DHRS9: variants seen among roughly 807,000 people sequenced by gnomAD.
The protein encoded by DHRS9 is dehydrogenase/reductase 9, also known as dehydrogenase/reductase SDR family member 9.
Under a neutral mutation model 26.6 loss-of-function variants are expected in DHRS9, and 18 were observed. The ratio of observed to expected loss-of-function variants is 0.68; its 90% CI spans 0.47 to 1.00. The LOEUF (loss-of-function observed/expected upper bound fraction) is 1.00, where lower values mean the gene tolerates loss of function less well. Among genes scored for constraint, DHRS9 ranks in the 50% least tolerant of loss-of-function variants. The pLI, the probability that DHRS9 is intolerant of heterozygous loss-of-function variation, is 0.00. For missense variants in DHRS9, 425 were observed against 378.7 expected (o/e 1.12, Z -1.01); for synonymous variants, 134 against 141.1 (o/e 0.95, Z 0.36).
At chr2:169,071,570 T>G (rs919236475) in intron 1 of DHRS9, among the ~76,000 whole-genome samples, 3 of 152,166 alleles carry the variant, frequency 2.0e-5, no homozygotes, top group Non-Finnish European at 4.4e-5. Flanking sequence ...TGAGTGAATC[T>G]GTAGTGGAAG....
intron 1 of DHRS9, among the ~76,000 whole-genome samples, chr2:169,077,551 C>T (rs920741853): frequency 1.1e-4 from 17 of 151,840 alleles, no homozygotes; most frequent in African/African-American, 3.1e-4. Flanking sequence ...AATACTACTG[C>T]GGTTTGTTGT....
At chr2:169,068,053 A>G (rs1683696069), upstream of DHRS9, among the ~76,000 whole-genome samples, 1 of 152,180 alleles carries the variant, frequency 6.6e-6, no homozygotes, top group Non-Finnish European at 1.5e-5. Context: ...AATTTTAACT[A>G]TTGTTATAAC....
intron 1 of DHRS9, chr2:169,070,754 T>C: frequency 1.0e-6 from 1 of 985,376 alleles, no homozygotes; most frequent in Non-Finnish European, 1.2e-6. Context: ...GTCACTGTCT[T>C]AAGGGACAGT....
chr2:169,071,857 C>T (rs760125221), intron 1 of DHRS9, among the ~76,000 whole-genome samples: 6 of 152,054 alleles, frequency 3.9e-5, no homozygotes, highest in Non-Finnish European at 8.8e-5. Context: ...AATGTAGGGT[C>T]CCTTGGTGCC....
At chr2:169,086,668 T>C (rs200397896) in intron 3 of DHRS9, among the ~76,000 whole-genome samples, 1 of 152,218 alleles carries the variant, frequency 6.6e-6, no homozygotes, top group African/African-American at 2.4e-5. Flanking sequence ...GACTTGGCTG[T>C]TGTGATCTAA....
chr2:169,081,277 C>T (rs1043940616), intron 1 of DHRS9: 3 of 771,188 alleles, frequency 3.9e-6, no homozygotes, highest in Non-Finnish European at 3.5e-6. Context: ...TTTGCCATGG[C>T]TCCCCTCTCC....
At position 169,083,603 on chromosome 2, in the gene DHRS9, C is replaced by G. The variant is rs1318001141; in HGVS notation, c.572+16C>G. Reference sequence around the variant, plus strand: ...ACAGCTTAAGGTAAATCAAATTAATCAACTTATTAGGAAACAATAGCTGCA... The same window carrying G: ...ACAGCTTAAGGTAAATCAAATTAATGAACTTATTAGGAAACAATAGCTGCA... On this transcript the variant is annotated intron_variant, in intron 3 of 4. Transcript: ENST00000674881. The G allele has an allele frequency of 3.7e-6, 6 of 1,611,172 alleles. No homozygotes were observed. The highest frequency in any genetic ancestry group is 5.1e-6 in the Non-Finnish European group (6 of 1,178,072).
chr2:169,089,711 T>A (rs570323850), intron 3 of DHRS9, among the ~76,000 whole-genome samples: 1 of 152,320 alleles, frequency 6.6e-6, no homozygotes, highest in African/African-American at 2.4e-5. Context: ...CAAGTTTGAT[T>A]CTCCTAGGAA....
chr2:169,084,757 A>G (rs945906836), intron 3 of DHRS9, among the ~76,000 whole-genome samples: 2 of 152,126 alleles, frequency 1.3e-5, no homozygotes, highest in African/African-American at 4.8e-5. Flanking sequence ...GTAGCTTTCA[A>G]ATATTTTCTC....
At chr2:169,095,074 C>T (rs1690504375) in intron 4 of DHRS9, among the ~76,000 whole-genome samples, 1 of 152,196 alleles carries the variant, frequency 6.6e-6, no homozygotes, top group Admixed American at 6.5e-5. Flanking sequence ...TTTCTCTAGA[C>T]ACATAATCCC....
rs78927715 is a variant in DHRS9, at chr2:169,088,536, C to T, written c.573-3254C>T. On this transcript the variant is annotated intron_variant, in intron 3 of 4. Transcript: ENST00000674881. The stretch of plus-strand genomic sequence containing the variant: ...ATGAATAGTTGTTTAATTTGGTGTT[C>T]CTGTGGGGAGGATGATCAATGAAGG... Among the ~76,000 whole-genome samples the T allele has an allele frequency of 2.3e-3, 345 of 152,232 alleles. 8 individuals are homozygous for T. In the East Asian group the frequency reaches 0.059, roughly 26 times the overall value.
chr2:169,092,908 G>C (rs1684578455), intron 4 of DHRS9, among the ~76,000 whole-genome samples: 1 of 152,090 alleles, frequency 6.6e-6, no homozygotes, highest in African/African-American at 2.4e-5. Context: ...GAGGCATAGA[G>C]AATAACTTAC....
At chr2:169,093,827 G>A (rs111516876) in intron 4 of DHRS9, among the ~76,000 whole-genome samples, 1 of 152,134 alleles carries the variant, frequency 6.6e-6, no homozygotes, top group South Asian at 2.1e-4. Flanking sequence ...TGGGATAGTA[G>A]GAGTTTAAAA....
chr2:169,079,500 GA>G (rs927592151), intron 1 of DHRS9, among the ~76,000 whole-genome samples: 21 of 151,770 alleles, frequency 1.4e-4, no homozygotes, highest in Non-Finnish European at 2.5e-4. Context: ...TTTACAAGCA[GA>G]AAAAAATAAA....
rs764709928 is a variant in DHRS9 at position 169,081,748 on chromosome 2, T to C, written c.167T>C (p.Val56Ala). The change falls in exon 2 of 5, where the codon GTA becomes GCA. Residue 56 changes from valine (V) to alanine (A), a missense_variant. Transcript: ENST00000674881. ...ARTFDKKGFH[V>A]IAACLTESGS... ...ACTTTTGATAAAAAGGGATTTCATG[T>C]AATCGCTGCCTGTCTGACTGAATCA... 6.2e-7 allele frequency: 1 copy of C among 1,614,190 alleles called. No homozygotes were observed. The highest frequency in any genetic ancestry group is 1.7e-5 in the Admixed American group (1 of 60,022).
intron 1 of DHRS9, chr2:169,074,563 T>C: frequency 2.2e-6 from 1 of 457,694 alleles, no homozygotes; most frequent in African/African-American, 2.1e-5. Context: ...ATTAGCCTTT[T>C]AGTTGCTGTT....
At chr2:169,072,840 G>A (rs1189037094) in intron 1 of DHRS9, among the ~76,000 whole-genome samples, 3 of 152,176 alleles carry the variant, frequency 2.0e-5, no homozygotes, top group Non-Finnish European at 4.4e-5. Flanking sequence ...ACAGTTTAGA[G>A]TTCAGAGAGT....
intron 1 of DHRS9, among the ~76,000 whole-genome samples, chr2:169,080,048 A>AGAAAGAAAGAAAGAAG (rs1684135606): frequency 1.4e-5 from 2 of 146,670 alleles, no homozygotes; most frequent in Admixed American, 1.4e-4. Flanking sequence ...AAAGAAAGAA[A>AGAAAGAAAGAAAGAAG]GAAAATAAAG....
Position 169,081,673 on chromosome 2 carries a change from A to G in DHRS9, c.92A>G (p.Tyr31Cys), listed in dbSNP as rs756767731. The G allele has an allele frequency of 6.2e-7, 1 of 1,614,244 alleles. No individual in the cohort carries two copies. Among genetic ancestry groups the G allele is most frequent in the Non-Finnish European group, 8.5e-7 (1 of 1,180,048 alleles). The change falls in exon 2 of 5, where the codon TAC becomes TGC. Residue 31 changes from tyrosine to cysteine, a missense_variant. Tyr to Cys is a radical substitution (Grantham distance 194). Transcript: ENST00000674881. ...KLKIEDITDK[Y>C]IFITGCDSGF... ...AAGATTGAAGACATCACTGATAAGT[A>G]CATTTTTATCACTGGATGTGACTCG...
Sources: allele counts gnomAD v4.1 joint callset (sites outside exome capture counted in the v4.1 genomes callset), GRCh38; gene constraint gnomAD v4.1.1; transcripts MANE v1.5; gene names NCBI Gene and HGNC (gene_info 2026-07-23, HGNC 2026-07-21).